The following FAM20C variants were observed in gnomAD, a reference collection of about 807,000 sequenced individuals.
FAM20C encodes FAM20C golgi associated secretory pathway kinase.
Under a neutral mutation model 51.5 loss-of-function variants are expected in FAM20C, and 40 were observed. That is an observed-to-expected ratio of 0.78 (90% CI 0.60 to 1.01). FAM20C has a LOEUF of 1.01. Ranked by LOEUF, FAM20C falls within the 50% of genes least tolerant of loss-of-function variation. FAM20C has a pLI of 0.00. For missense variants in FAM20C, 861 were observed against 844.7 expected, an observed-to-expected ratio of 1.02 and a Z score of -0.24; for synonymous variants, 406 against 380.6, an observed-to-expected ratio of 1.07 and a Z score of -0.78.
Position 248,341 on chromosome 7 carries a change from C to T in FAM20C, c.983C>T (p.Pro328Leu). Residue 328 changes from proline (P) to leucine (L), a missense_variant, in exon 5 of 10, where the codon CCC (proline) becomes CTC (leucine). This residue lies in a region of FAM20C where 561 missense variants were observed against 499.8 expected (regional missense o/e 1.12). Transcript: ENST00000313766. ...DRILDFRRVP[P>L]VAGRMVNMTK... The stretch of plus-strand genomic sequence containing the variant: ...ATCCTGGACTTCCGCCGGGTCCCTC[C>T]CGTGGCCGGCAGGATGGTCAACATG... 6.5e-7 allele frequency: 1 copy of T among 1,537,036 alleles called. No individual in the cohort carries two copies. Among genetic ancestry groups the T allele is most frequent in the Non-Finnish European group, 8.7e-7 (1 of 1,146,866 alleles).
intron 5 of FAM20C, among the ~76,000 whole-genome samples, chr7:249,049 C>T (rs1250972000): frequency 1.2e-5 from 1 of 84,668 alleles, no homozygotes; most frequent in Non-Finnish European, 3.0e-5. Context: ...CACAGAGAGA[C>T]TGTTTCTTCC....
chr7:232,702 C>T (rs1787737066), intron 3 of FAM20C, among the ~76,000 whole-genome samples: 2 of 152,376 alleles, frequency 1.3e-5, no homozygotes, highest in East Asian at 1.9e-4. Flanking sequence ...GAAGGTGCCA[C>T]GTGGTCCTAA....
intron 2 of FAM20C, among the ~76,000 whole-genome samples, 173 bp downstream of exon 2, chr7:195,905 G>A (rs927589829): frequency 3.9e-5 from 6 of 152,360 alleles, no homozygotes; most frequent in Admixed American, 6.5e-5. Context: ...CTCGCGTCTC[G>A]TGTGCTCTCA....
intron 2 of FAM20C, among the ~76,000 whole-genome samples, chr7:198,743 G>C (rs1346471083): frequency 6.6e-6 from 1 of 152,192 alleles, no homozygotes; most frequent in Admixed American, 6.5e-5. Context: ...CAGCGCACCT[G>C]CTGGGCAGGG....
At chr7:211,581 G>A (rs1325052710) in intron 3 of FAM20C, among the ~76,000 whole-genome samples, 3 of 152,262 alleles carry the variant, frequency 2.0e-5, no homozygotes, top group East Asian at 3.9e-4. Flanking sequence ...CCTAGGACCC[G>A]TTTGTCAGGG....
At chr7:198,025 G>A (rs79794347) in intron 2 of FAM20C, among the ~76,000 whole-genome samples, 74 of 152,284 alleles carry the variant, frequency 4.9e-4, no homozygotes, top group East Asian at 1.4e-3. Flanking sequence ...TGTGGCCTCC[G>A]CCTGGGTGTG....
chr7:228,931 G>T (rs902569055), intron 3 of FAM20C: 2 of 403,588 alleles, frequency 5.0e-6, no homozygotes, highest in Non-Finnish European at 1.0e-5. Flanking sequence ...TTCCAAGACC[G>T]CCCACCAGGC....
In FAM20C at chr7:216,330, CAGGG is replaced by C. The variant is rs1786954587; in HGVS notation, c.863+7355_863+7358del. Among the ~76,000 whole-genome samples, 3 of 17,654 alleles carry C rather than the reference CAGGG, an allele frequency of 1.7e-4. 1 individual carries two copies. Among genetic ancestry groups the C allele is most frequent in the African/African-American group, 6.0e-4 (2 of 3,312 alleles). The allele number at this position is 17,654 out of a possible 152,430, so 11.6% of individuals were successfully genotyped here. On this transcript the variant is annotated intron_variant, in intron 3 of 9. Coordinates refer to ENST00000313766, the MANE Select transcript of FAM20C (RefSeq NM_020223.4). ...AGAGGATGGGGCTGGGTGGGGGGAG[CAGGG>C]CCCCTGGTGTATGGAGAGGATGGAG...
At chr7:244,495 C>G in intron 3 of FAM20C, among the ~76,000 whole-genome samples, 1 of 152,330 alleles carries the variant, frequency 6.6e-6, no homozygotes, top group East Asian at 1.9e-4. Flanking sequence ...GGAGATTCCA[C>G]AAGGTCTAGA....
chr7:204,867 G>A (rs529114102), intron 2 of FAM20C, among the ~76,000 whole-genome samples: 5 of 152,286 alleles, frequency 3.3e-5, no homozygotes, highest in African/African-American at 7.2e-5. Context: ...AGTGGCACCT[G>A]TGTGGCTCTG....
chr7:202,043 G>T (rs187671589), intron 2 of FAM20C, among the ~76,000 whole-genome samples: 13 of 152,372 alleles, frequency 8.5e-5, no homozygotes, highest in Admixed American at 8.5e-4. Context: ...CTTCAGCGAG[G>T]CCGGGGAAGA....
intron 5 of FAM20C, among the ~76,000 whole-genome samples, chr7:252,150 G>T (rs1303945652): frequency 2.0e-5 from 3 of 152,158 alleles, no homozygotes; most frequent in African/African-American, 7.2e-5. Context: ...TGACCTCAGA[G>T]GCCCTGCCGG....
chr7:205,683 C>T (rs952787131), intron 2 of FAM20C, among the ~76,000 whole-genome samples: 1 of 152,186 alleles, frequency 6.6e-6, no homozygotes, highest in Admixed American at 6.5e-5. Context: ...ATCCATCTCC[C>T]TCCTGCCTGG....
chr7:220,250 A>T (rs28505060), intron 3 of FAM20C, among the ~76,000 whole-genome samples: 69,553 of 151,994 alleles, frequency 0.46, 16,397 homozygotes, highest in South Asian at 0.61. Flanking sequence ...CCTGTCCCTT[A>T]TAAACTCAGG....
chr7:197,298 G>C (rs1044664101), intron 2 of FAM20C: 2 of 167,106 alleles, frequency 1.2e-5, no homozygotes, highest in Admixed American at 1.3e-4. Context: ...CTTCAGAGCC[G>C]TGCACGCCAG....
chr7:247,423 T>C (rs139735011), intron 4 of FAM20C, among the ~76,000 whole-genome samples: 22,016 of 152,180 alleles, frequency 0.14, 1,846 homozygotes, highest in Non-Finnish European at 0.19. Flanking sequence ...CGTCCCAGCC[T>C]GGGGTGCGGC....
At chr7:193,919 G>C in intron 1 of FAM20C, 115 bp downstream of exon 1, 36 of 1,388,078 alleles carry the variant, frequency 2.6e-5, no homozygotes, top group Non-Finnish European at 3.4e-5. Context: ...CGGGCAGGGA[G>C]TGTGGTGCGG....
intron 3 of FAM20C, among the ~76,000 whole-genome samples, chr7:217,528 G>A (rs1305103736): frequency 7.2e-6 from 1 of 138,436 alleles, no homozygotes; most frequent in Non-Finnish European, 1.6e-5. Context: ...CTCGGGCTTG[G>A]CTTGAGGTTA....
At chr7:206,746 C>T (rs1200722478) in intron 2 of FAM20C, among the ~76,000 whole-genome samples, 5 of 79,458 alleles carry the variant, frequency 6.3e-5, no homozygotes, top group African/African-American at 2.1e-4. Context: ...CACACGTGCT[C>T]ACTGTCCACT....
Sources: allele counts gnomAD v4.1 joint callset (sites outside exome capture counted in the v4.1 genomes callset), GRCh38; gene constraint gnomAD v4.1.1; regional missense constraint gnomAD v4.1.1; transcripts MANE v1.5; gene names NCBI Gene and HGNC (gene_info 2026-07-23, HGNC 2026-07-21).